NOSTRIN: variants seen among roughly 807,000 people sequenced by gnomAD.
NOSTRIN encodes nitric oxide synthase trafficking, also known as BM247 homolog.
A neutral mutation model predicts 59.0 loss-of-function variants in NOSTRIN; 63 were observed. The observed-to-expected ratio is 1.07, with a 90% CI of 0.87 to 1.32. The LOEUF (loss-of-function observed/expected upper bound fraction) is 1.32, where lower values mean the gene tolerates loss of function less well. NOSTRIN is among the 40% of genes most tolerant of loss of function. The pLI, the probability that NOSTRIN is intolerant of heterozygous loss-of-function variation, is 0.00. For missense variants in NOSTRIN, 512 were observed against 473.1 expected (o/e 1.08, Z -0.76); for synonymous variants, 200 against 165.4 (o/e 1.21, Z -1.61).
At position 168,802,638 on chromosome 2, in the gene NOSTRIN, C is replaced by T. The variant is rs368633215; in HGVS notation, c.-9C>T. On this transcript the variant is annotated 5_prime_UTR_variant, in exon 1 of 16. Transcript: ENST00000317647. ...TAGGTGAAAGGACAAAAGCCAGACA[C>T]ATTTCAACATGAGGGACCCACTGAC... 3.8e-5 allele frequency: 33 copies of T among 868,546 alleles called. No individual in the cohort carries two copies. The highest frequency in any genetic ancestry group is 6.8e-5 in the Admixed American group (4 of 58,774). 53.8% of individuals were successfully genotyped at this position (868,546 alleles called of 1,614,324 possible). A position where few individuals can be genotyped will look rare whatever the true frequency, so the allele number is the denominator to read the frequency against.
chr2:168,833,679 T>C (rs1304031944), intron 6 of NOSTRIN, among the ~76,000 whole-genome samples: 1 of 152,250 alleles, frequency 6.6e-6, no homozygotes, highest in East Asian at 1.9e-4. Flanking sequence ...TCCCTACTTC[T>C]TTCTACTTCT....
chr2:168,843,819 C>A (rs1315767364), intron 8 of NOSTRIN, among the ~76,000 whole-genome samples: 6 of 152,214 alleles, frequency 3.9e-5, no homozygotes, highest in Admixed American at 3.9e-4. Context: ...CATGTACTTA[C>A]TGCAGCAGTT....
At chr2:168,833,039 A>G (rs1038855992) in intron 6 of NOSTRIN, among the ~76,000 whole-genome samples, 6 of 152,276 alleles carry the variant, frequency 3.9e-5, no homozygotes, top group Non-Finnish European at 7.3e-5. Flanking sequence ...GCTCCCAAGA[A>G]AAAACATCTT....
intron 11 of NOSTRIN, 166 bp from the exon 12 acceptor site, chr2:168,856,524 G>A (rs1415358906): frequency 4.2e-5 from 25 of 600,156 alleles, no homozygotes; most frequent in African/African-American, 9.3e-5. Flanking sequence ...GCAGTGAGCC[G>A]AGATCGCGCC....
intron 8 of NOSTRIN, among the ~76,000 whole-genome samples, chr2:168,847,674 G>C (rs894027988): frequency 1.3e-4 from 20 of 152,160 alleles, no homozygotes; most frequent in Non-Finnish European, 1.5e-5. Flanking sequence ...AATCTTTCTG[G>C]ATAACTCCTT....
intron 2 of NOSTRIN, among the ~76,000 whole-genome samples, chr2:168,813,503 A>G (rs1001388785): frequency 6.6e-6 from 1 of 152,150 alleles, no homozygotes; most frequent in Non-Finnish European, 1.5e-5. Context: ...CTTTCTTCAT[A>G]CAGCAGAGCC....
chr2:168,847,221 T>C (rs909798831), intron 8 of NOSTRIN, among the ~76,000 whole-genome samples: 2 of 152,218 alleles, frequency 1.3e-5, no homozygotes, highest in Non-Finnish European at 2.9e-5. Context: ...AACTAGAAGA[T>C]AAAATCATAC....
chr2:168,847,150 C>G (rs531864), intron 8 of NOSTRIN, among the ~76,000 whole-genome samples: 2 of 151,976 alleles, frequency 1.3e-5, no homozygotes, highest in African/African-American at 4.8e-5. Flanking sequence ...GCACGGGAAA[C>G]TGTTCACATG....
At chr2:168,824,748 CA>C in intron 3 of NOSTRIN, 31 bp downstream of exon 3, 1 of 814,624 alleles carries the variant, frequency 1.2e-6, no homozygotes, top group South Asian at 1.4e-5. Context: ...AAGGCAAAAT[CA>C]ACCCTTTTTT....
At chr2:168,863,105 T>TATC (rs1450679791) in intron 15 of NOSTRIN, among the ~76,000 whole-genome samples, 3 of 152,324 alleles carry the variant, frequency 2.0e-5, no homozygotes, top group African/African-American at 7.2e-5. Context: ...ATAAATTGAT[T>TATC]ATCTTGTTTT....
chr2:168,843,112 T>C lies in NOSTRIN; in HGVS notation c.625T>C (p.Tyr209His), dbSNP rs1312883133. The change falls in exon 8 of 16, where the codon TAC (tyrosine) becomes CAC (histidine). Residue 209 changes from tyrosine (Y) to histidine (H), a missense_variant. Transcript: ENST00000317647. The part of the protein sequence containing the change: ...LKWENTLENC[Y>H]QSILELEKER... ...ATGGGAAAACACACTAGAGAACTGC[T>C]ACCAGGTAAGTTATATATTCACATT... 2.3e-6 allele frequency: 2 copies of C among 869,436 alleles called. No individual in the cohort carries two copies. The highest frequency in any genetic ancestry group is 2.0e-6 in the Non-Finnish European group (1 of 500,620). 53.9% of individuals were successfully genotyped at this position (869,436 alleles called of 1,614,324 possible).
intron 1 of NOSTRIN, among the ~76,000 whole-genome samples, chr2:168,787,313 G>A (rs1574242994): frequency 6.6e-6 from 1 of 151,942 alleles, no homozygotes; most frequent in African/African-American, 2.4e-5. Flanking sequence ...CTCCCCATGG[G>A]CACTGTCTCA....
At position 168,860,796 on chromosome 2, in the gene NOSTRIN, A is replaced by C. The variant is rs766531949; in HGVS notation, c.1181A>C (p.Glu394Ala). Reference protein sequence around the residue: ...SNSIFRWREKEHTHSYVKISR... With the variant: ...SNSIFRWREKAHTHSYVKISR... ...TGACTTTTTATGTCATTTGAACAGG[A>C]GCATACTCATAGCTATGTGAAAATA... The change falls in exon 14 of 16, where the codon GAG becomes GCG. Residue 394 changes from glutamate to alanine, a missense_variant and splice_region_variant. Physicochemically the swap from Glu to Ala is moderately radical, Grantham distance 107. Transcript: ENST00000317647. 4 of 1,575,940 alleles carry C rather than the reference A, an allele frequency of 2.5e-6. No individual in the cohort carries two copies. The highest frequency in any genetic ancestry group is 3.5e-6 in the Non-Finnish European group (4 of 1,145,392).
In NOSTRIN at chr2:168,824,701, C is replaced by A; in HGVS notation, c.181C>A (p.Gln61Lys). 1 of 872,706 alleles carries A rather than the reference C, an allele frequency of 1.1e-6. No homozygotes were observed. Among genetic ancestry groups the A allele is most frequent in the Non-Finnish European group, 2.0e-6 (1 of 501,538 alleles). The allele number at this position is 872,706 out of a possible 1,614,324, so 54.1% of individuals were successfully genotyped here. A position where few individuals can be genotyped will look rare whatever the true frequency, so the allele number is the denominator to read the frequency against. ...KLASKLSKAL[Q>K]NTRKSCVSSA... ...GGCAAGCAAGCTGAGCAAAGCATTA[C>A]AGAACACGAGAAAAAGGTAAGTATT... is the stretch of plus-strand genomic sequence containing the variant. Residue 61 changes from glutamine (Q) to lysine (K), a missense_variant, in exon 3 of 16, where the codon CAG (glutamine) becomes AAG (lysine). By Grantham distance (53) the Gln-to-Lys change is moderately conservative. Transcript: ENST00000317647.
intron 2 of NOSTRIN, among the ~76,000 whole-genome samples, chr2:168,823,981 A>T (rs560104284): frequency 1.3e-5 from 2 of 152,294 alleles, no homozygotes; most frequent in East Asian, 3.9e-4. Flanking sequence ...AGGCTAAGGC[A>T]AAAGAATCAC....
intron 2 of NOSTRIN, 139 bp from the exon 3 acceptor site, chr2:168,824,495 C>T (rs1239015525): frequency 3.6e-6 from 2 of 554,286 alleles, no homozygotes; most frequent in South Asian, 2.0e-5. Context: ...GACTGGGTTT[C>T]ACCATGTTGG....
upstream of NOSTRIN, among the ~76,000 whole-genome samples, chr2:168,796,583 AAC>A (rs1685484473): frequency 6.6e-6 from 1 of 152,186 alleles, no homozygotes; most frequent in South Asian, 2.1e-4. Context: ...ACTTATTCTT[AAC>A]ATTAGGGCAC....
At chr2:168,793,019 C>G (rs888340676) in intron 2 of NOSTRIN, among the ~76,000 whole-genome samples, 5 of 152,168 alleles carry the variant, frequency 3.3e-5, no homozygotes, top group African/African-American at 1.2e-4. Context: ...ATCATTAACT[C>G]CTGTTCTTTA....
intron 2 of NOSTRIN, among the ~76,000 whole-genome samples, chr2:168,816,332 A>T (rs1574270341): frequency 6.6e-6 from 1 of 152,146 alleles, no homozygotes; most frequent in African/African-American, 2.4e-5. Context: ...TATGACCTTT[A>T]GGATAAAATT....
Sources: gnomAD v4.1 joint callset for allele counts (sites outside exome capture counted in the v4.1 genomes callset) on GRCh38, gnomAD v4.1.1 for gene constraint, MANE v1.5 for transcripts, NCBI Gene and HGNC (gene_info 2026-07-23, HGNC 2026-07-21) for gene names.